The following MYO9A variants were observed in gnomAD, a reference collection of about 807,000 sequenced individuals.
The protein encoded by MYO9A is unconventional myosin-IXa.
In MYO9A, 103 loss-of-function variants were observed where a neutral mutation model predicts 293.3. The observed-to-expected ratio is 0.35, with a 90% CI of 0.30 to 0.41. The LOEUF (loss-of-function observed/expected upper bound fraction) is 0.41, where lower values mean the gene tolerates loss of function less well. MYO9A is among the 10% of genes least tolerant of loss of function. The probability of loss-of-function intolerance (pLI) is 1.00; values close to 1 mark genes in which losing one functional copy is unlikely to be tolerated. For missense variants in MYO9A, 2,685 were observed against 3,033.0 expected (o/e 0.89, Z 2.69); for synonymous variants, 1,001 against 1,035.7 (o/e 0.97, Z 0.64).
chr15:71,991,408 A>G (rs554592361), intron 10 of MYO9A, among the ~76,000 whole-genome samples, 171 bp from the exon 11 acceptor site: 1 of 152,360 alleles, frequency 6.6e-6, no homozygotes, highest in South Asian at 2.1e-4. Context: ...AGTTATCTTT[A>G]TCTTACTTTT....
At chr15:72,009,880 T>C (rs1046591785) in intron 7 of MYO9A, among the ~76,000 whole-genome samples, 10 of 152,210 alleles carry the variant, frequency 6.6e-5, no homozygotes, top group African/African-American at 2.2e-4. Flanking sequence ...CAAATTTTTA[T>C]ATTTTTAAAT....
chr15:71,918,234 T>G (rs2058064213), intron 18 of MYO9A, among the ~76,000 whole-genome samples: 2 of 152,222 alleles, frequency 1.3e-5, no homozygotes, highest in Non-Finnish European at 2.9e-5. Context: ...ATATACTCAC[T>G]GTTCTTAGGA....
chr15:71,959,734 T>TC, intron 14 of MYO9A, 167 bp downstream of exon 14: 3 of 622,272 alleles, frequency 4.8e-6, no homozygotes, highest in Non-Finnish European at 8.3e-6. Context: ...GAAAAACTGT[T>TC]CATAGTCACA....
At chr15:72,055,808 A>T (rs75991853) in intron 1 of MYO9A, among the ~76,000 whole-genome samples, 7 of 152,256 alleles carry the variant, frequency 4.6e-5, no homozygotes, top group Admixed American at 4.6e-4. Flanking sequence ...AATCAAAAAA[A>T]TAATAGATGC....
chr15:71,966,265 A>AATGTGT (rs1555493718), intron 13 of MYO9A, among the ~76,000 whole-genome samples: 1 of 134,860 alleles, frequency 7.4e-6, no homozygotes, highest in Non-Finnish European at 1.6e-5. Context: ...ATCCCAGGCA[A>AATGTGT]GTGTGTGTGT....
At position 71,893,773 on chromosome 15, in the gene MYO9A, C is replaced by G; in HGVS notation, c.5048G>C (p.Ser1683Thr). Reference protein sequence around the residue: ...PKDNMSIPLVSKEALNSKNPQ... With the variant: ...PKDNMSIPLVTKEALNSKNPQ... ...ATTTTTACTGTTTAAGGCTTCTTTGCTGACACTTTAAATAAAACAATGAAA... is the reference window on the plus strand; with the variant it reads ...ATTTTTACTGTTTAAGGCTTCTTTGGTGACACTTTAAATAAAACAATGAAA... The change falls in exon 26 of 42, where the codon AGC becomes ACC. Residue 1683 changes from serine (S) to threonine (T), a missense_variant. Coordinates refer to ENST00000356056, the MANE Select transcript of MYO9A (RefSeq NM_006901.4). The G allele has an allele frequency of 1.2e-6, 2 of 1,611,942 alleles. No homozygotes were observed.
chr15:71,871,231 C>G (rs943583101), intron 32 of MYO9A, among the ~76,000 whole-genome samples: 13 of 151,006 alleles, frequency 8.6e-5, no homozygotes, highest in Non-Finnish European at 1.5e-4. Flanking sequence ...AAATATTTAG[C>G]TAGGCATGAT....
chr15:72,067,977 C>CAGAATA (rs1339611220), intron 1 of MYO9A, among the ~76,000 whole-genome samples: 1 of 152,110 alleles, frequency 6.6e-6, no homozygotes, highest in Admixed American at 6.5e-5. Context: ...CAGAGTTTAA[C>CAGAATA]AGAATAACTA....
chr15:72,060,998 A>C (rs2078862545), intron 1 of MYO9A, among the ~76,000 whole-genome samples: 1 of 152,218 alleles, frequency 6.6e-6, no homozygotes, highest in East Asian at 1.9e-4. Flanking sequence ...GCCACAATAC[A>C]GTAAAGCACC....
intron 10 of MYO9A, among the ~76,000 whole-genome samples, chr15:71,992,853 A>G (rs2076579651): frequency 6.6e-6 from 1 of 151,696 alleles, no homozygotes; most frequent in African/African-American, 2.4e-5. Flanking sequence ...GGGCTAGAAG[A>G]GGCCTTCCTC....
intron 19 of MYO9A, among the ~76,000 whole-genome samples, chr15:71,910,692 T>C (rs2057819618): frequency 6.6e-6 from 1 of 152,220 alleles, no homozygotes; most frequent in African/African-American, 2.4e-5. Context: ...CTTTGTGGTA[T>C]TAATTGGCAT....
intron 27 of MYO9A, among the ~76,000 whole-genome samples, chr15:71,887,758 T>A (rs1255559163): frequency 1.3e-5 from 2 of 152,162 alleles, no homozygotes; most frequent in Non-Finnish European, 2.9e-5. Context: ...TGTTACAGGA[T>A]TCTGTCCCAA....
intron 2 of MYO9A, chr15:72,036,503 C>T (rs1276908789): frequency 1.3e-5 from 2 of 152,092 alleles, no homozygotes; most frequent in African/African-American, 4.8e-5. Flanking sequence ...ATTACTACTC[C>T]TTTCTCTTTA....
rs2078142676 is a variant in MYO9A at position 72,038,892 on chromosome 15, ATT to A, written c.841-6306_841-6305del. On this transcript the variant is annotated intron_variant, in intron 2 of 41. Coordinates refer to ENST00000356056, the MANE Select transcript of MYO9A (RefSeq NM_006901.4). The stretch of plus-strand genomic sequence containing the variant: ...CATTTCTTACTTCATTCGTTTCTGC[ATT>A]GTTTGTTTTACAGCATGTATAATTA... 3.9e-5 allele frequency among the ~76,000 whole-genome samples: 6 copies of A among 152,154 alleles called. 2 individuals are homozygous for A. The South Asian group carries it at 1.2e-3, about 31-fold the overall frequency.
chr15:72,042,821 G>T (rs941815816), intron 2 of MYO9A, among the ~76,000 whole-genome samples: 5 of 152,044 alleles, frequency 3.3e-5, no homozygotes, highest in African/African-American at 1.2e-4. Flanking sequence ...CAGCACTTTA[G>T]GAGGCCAAGA....
At chr15:71,988,983 C>T (rs1212487730) in intron 11 of MYO9A, among the ~76,000 whole-genome samples, 1 of 152,150 alleles carries the variant, frequency 6.6e-6, no homozygotes, top group Non-Finnish European at 1.5e-5. Context: ...CAACCTACGC[C>T]GCCCACATTC....
rs1021348088 is a variant in MYO9A, at chr15:72,046,312, C to T, written c.252G>A (p.Gln84=). The part of the protein sequence containing the change: ...WILNPTDCPV[Q]RMMLWPRMAL... ...CCATTCGGGGCCACAGCATCATTCG[C>T]TGAACTGGACAATCTGTTGGATTGA... The change falls in exon 2 of 42, where the codon CAG becomes CAA. Residue 84 remains glutamine (Q), a synonymous_variant. Coordinates refer to ENST00000356056, the MANE Select transcript of MYO9A (RefSeq NM_006901.4). 6.2e-7 allele frequency: 1 copy of T among 1,614,100 alleles called. No homozygotes were observed. The highest frequency in any genetic ancestry group is 1.1e-5 in the South Asian group (1 of 91,088).
At chr15:71,954,404 C>T (rs2059131668) in intron 14 of MYO9A, among the ~76,000 whole-genome samples, 1 of 152,180 alleles carries the variant, frequency 6.6e-6, no homozygotes, top group Non-Finnish European at 1.5e-5. Flanking sequence ...CAGGGTTTCA[C>T]CGTGTTAGCC....
intron 5 of MYO9A, among the ~76,000 whole-genome samples, chr15:72,020,702 C>T (rs567593287): frequency 7.2e-5 from 11 of 152,098 alleles, no homozygotes; most frequent in African/African-American, 1.9e-4. Context: ...TCACAGAAAA[C>T]GAAAAGCACA....
Sources: gnomAD v4.1 joint callset for allele counts (sites outside exome capture counted in the v4.1 genomes callset) on GRCh38, gnomAD v4.1.1 for gene constraint, MANE v1.5 for transcripts, NCBI Gene and HGNC (gene_info 2026-07-23, HGNC 2026-07-21) for gene names.